The following DLEU7 variants were observed in gnomAD, a reference collection of about 807,000 sequenced individuals.
The protein encoded by DLEU7 is deleted in lymphocytic leukemia 7.
Under a neutral mutation model 16.0 loss-of-function variants are expected in DLEU7, and 17 were observed. The observed-to-expected ratio is 1.06, with a 90% CI of 0.73 to 1.59. The LOEUF (loss-of-function observed/expected upper bound fraction) is 1.59, where lower values mean the gene tolerates loss of function less well. Among genes scored for constraint, DLEU7 ranks in the 40% most tolerant of loss-of-function variants. The pLI, the probability that DLEU7 is intolerant of heterozygous loss-of-function variation, is 0.00. For synonymous variants in DLEU7, 113 were observed against 139.8 expected (o/e 0.81, Z 1.35); for missense variants, 308 against 314.9 (o/e 0.98, Z 0.17).
intron 1 of DLEU7, among the ~76,000 whole-genome samples, chr13:50,713,912 C>G (rs1873365335): frequency 6.6e-6 from 1 of 152,246 alleles, no homozygotes; most frequent in African/African-American, 2.4e-5. Context: ...GACCCAGACT[C>G]TGCCCGCATG....
At chr13:50,767,756 A>G (rs1875165179) in intron 1 of DLEU7, among the ~76,000 whole-genome samples, 1 of 152,176 alleles carries the variant, frequency 6.6e-6, no homozygotes, top group African/African-American at 2.4e-5. Flanking sequence ...TGGAAGTAAG[A>G]CCAGGACCAG....
chr13:50,819,173 A>T (rs1876821852), downstream of DLEU7, among the ~76,000 whole-genome samples: 1 of 152,104 alleles, frequency 6.6e-6, no homozygotes, highest in African/African-American at 2.4e-5. Context: ...TTGCTGAGGG[A>T]GCTAGAGAGG....
downstream of DLEU7, chr13:50,822,678 A>G: frequency 1.0e-6 from 1 of 985,372 alleles, no homozygotes; most frequent in South Asian, 4.7e-5. Flanking sequence ...CATATCATAC[A>G]TGATTGGTAC....
chr13:50,783,525 G>T (rs1396902762), intron 1 of DLEU7, among the ~76,000 whole-genome samples: 1 of 152,164 alleles, frequency 6.6e-6, no homozygotes, highest in Non-Finnish European at 1.5e-5. Flanking sequence ...ACACCACTAT[G>T]ATTAGCTTAG....
chr13:50,810,185 GA>G (rs5803535), intron 1 of DLEU7, among the ~76,000 whole-genome samples: 76,004 of 129,828 alleles, frequency 0.59, 20,564 homozygotes, highest in Middle Eastern at 0.64. Flanking sequence ...AGAAATTCTG[GA>G]AAAAAAAAAA....
chr13:50,824,591 G>C (rs577551759), intron 1 of DLEU7, among the ~76,000 whole-genome samples: 2 of 152,142 alleles, frequency 1.3e-5, no homozygotes, highest in Admixed American at 1.3e-4. Context: ...CTTGGGCTGG[G>C]TTTGGGATGG....
chr13:50,767,053 T>C (rs1396217192), intron 1 of DLEU7, among the ~76,000 whole-genome samples: 1 of 152,210 alleles, frequency 6.6e-6, no homozygotes, highest in Non-Finnish European at 1.5e-5. Context: ...AGTCCATTTC[T>C]GTTATCCTAC....
intron 1 of DLEU7, among the ~76,000 whole-genome samples, chr13:50,776,620 C>T (rs1017453586): frequency 1.4e-4 from 21 of 152,188 alleles, no homozygotes; most frequent in Admixed American, 5.2e-4. Flanking sequence ...GTCTCTTGGT[C>T]ACTAAGACAG....
chr13:50,830,272 T>C (rs74078462), intron 1 of DLEU7, among the ~76,000 whole-genome samples: 3,099 of 152,336 alleles, frequency 0.02, 88 homozygotes, highest in African/African-American at 0.067. Flanking sequence ...AACTGATCTA[T>C]TGGGGTAATG....
In DLEU7 at chr13:50,843,579, A is replaced by C; in HGVS notation, c.68T>G (p.Leu23Arg). Reference sequence around the variant, plus strand: ...CCCCCAGCCCCACTCCTGCTGCAGCAGCTGCAAGGTCTGCAGAGCCACCAT... The same window carrying C: ...CCCCCAGCCCCACTCCTGCTGCAGCCGCTGCAAGGTCTGCAGAGCCACCAT... ...HQMVALQTLQLLQQEWGWGDG... is the reference protein window; with the variant it reads ...HQMVALQTLQRLQQEWGWGDG... The change falls in exon 1 of 2, where the codon CTG (leucine) becomes CGG (arginine). Residue 23 changes from leucine (L) to arginine (R), a missense_variant. By Grantham distance (102) the Leu-to-Arg change is moderately radical. Coordinates refer to ENST00000504404, the MANE Select transcript of DLEU7 (RefSeq NM_001306135.2). The surrounding 1 kb of genome is among the most constrained non-coding windows in gnomAD (Gnocchi z 5.7). 1 of 1,495,596 alleles carries C rather than the reference A, an allele frequency of 6.7e-7. No homozygotes were observed. Among genetic ancestry groups the C allele is most frequent in the Non-Finnish European group, 8.9e-7 (1 of 1,129,810 alleles). The allele number at this position is 1,495,596 out of a possible 1,614,324, so 92.6% of individuals were successfully genotyped here. A position where few individuals can be genotyped will look rare whatever the true frequency, so the allele number is the denominator to read the frequency against.
At chr13:50,739,301 A>G (rs1350863639) in intron 1 of DLEU7, among the ~76,000 whole-genome samples, 1 of 152,172 alleles carries the variant, frequency 6.6e-6, no homozygotes. Context: ...TGTGGTCCAG[A>G]TTAGAAGATC....
chr13:50,731,775 T>C (rs1287081932), intron 1 of DLEU7, among the ~76,000 whole-genome samples: 1 of 152,226 alleles, frequency 6.6e-6, no homozygotes, highest in Non-Finnish European at 1.5e-5. Flanking sequence ...TCCTTAATTA[T>C]CTACACACCT....
chr13:50,828,731 G>A (rs1210631789), intron 1 of DLEU7, among the ~76,000 whole-genome samples: 1 of 152,068 alleles, frequency 6.6e-6, no homozygotes, highest in African/African-American at 2.4e-5. Context: ...TTTTTTGACC[G>A]AGAAGGACCT....
At chr13:50,749,783 G>T (rs1874510309) in intron 1 of DLEU7, among the ~76,000 whole-genome samples, 2 of 152,048 alleles carry the variant, frequency 1.3e-5, no homozygotes, top group African/African-American at 4.8e-5. Flanking sequence ...TTTTGGATGG[G>T]ATTGTTTGTT....
At chr13:50,831,405 T>A (rs1387433765) in intron 1 of DLEU7, among the ~76,000 whole-genome samples, 1 of 152,144 alleles carries the variant, frequency 6.6e-6, no homozygotes, top group Non-Finnish European at 1.5e-5. Context: ...ATAGGTGGTA[T>A]GGAGGAACGC....
intron 1 of DLEU7, among the ~76,000 whole-genome samples, chr13:50,790,479 C>A (rs1407598133): frequency 8.3e-6 from 1 of 119,914 alleles, no homozygotes; most frequent in Non-Finnish European, 1.9e-5. Flanking sequence ...TTTAAGGAGA[C>A]CCCCGCTGCT....
At chr13:50,811,632 T>A (rs555159192) in intron 1 of DLEU7, among the ~76,000 whole-genome samples, 19 of 152,278 alleles carry the variant, frequency 1.2e-4, no homozygotes, top group African/African-American at 4.6e-4. Flanking sequence ...ATTGCCAGCC[T>A]TCCAGCACTA....
At chr13:50,814,944 T>C (rs1249769284) in intron 1 of DLEU7, among the ~76,000 whole-genome samples, 3 of 151,956 alleles carry the variant, frequency 2.0e-5, no homozygotes, top group African/African-American at 4.8e-5. Context: ...GTACTAGATT[T>C]TGCCACTATG....
intron 1 of DLEU7, among the ~76,000 whole-genome samples, chr13:50,772,309 T>C (rs965844834): frequency 1.3e-5 from 2 of 152,228 alleles, no homozygotes; most frequent in African/African-American, 4.8e-5. Flanking sequence ...CCTGTCTTTA[T>C]GATGTTAGCT....
Sources: allele counts gnomAD v4.1 joint callset (sites outside exome capture counted in the v4.1 genomes callset), GRCh38; gene constraint gnomAD v4.1.1; non-coding constraint Gnocchi (gnomAD v3.1); transcripts MANE v1.5; gene names NCBI Gene and HGNC (gene_info 2026-07-23, HGNC 2026-07-21).